CIMIP5: variants seen among roughly 807,000 people sequenced by gnomAD.
CIMIP5 encodes the protein ciliary microtubule inner protein 5.
the CIMIP5 span, chr2:11,143,914 C>G: frequency 6.3e-7 from 1 of 1,575,286 alleles, no homozygotes; most frequent in Non-Finnish European, 8.6e-7. Context: ...TGTCCCCTCT[C>G]CTCAGGGCAA....
At chr2:11,133,302 A>C in the CIMIP5 span, 1 of 1,510,706 alleles carries the variant, frequency 6.6e-7, no homozygotes, top group Non-Finnish European at 8.7e-7. Flanking sequence ...TCTCTCTCTG[A>C]CACAAGCGCA....
the CIMIP5 span, chr2:11,133,550 G>A: frequency 6.2e-7 from 1 of 1,606,366 alleles, no homozygotes. Flanking sequence ...ACCAGCTGTG[G>A]CGGGAGCTCC....
the CIMIP5 span, among the ~76,000 whole-genome samples, chr2:11,134,395 T>C: frequency 3.9e-5 from 6 of 152,302 alleles, no homozygotes; most frequent in Admixed American, 3.9e-4. Flanking sequence ...TGATCTCGAT[T>C]ACATTTTTAA....
the CIMIP5 span, among the ~76,000 whole-genome samples, chr2:11,139,247 A>G: frequency 6.6e-6 from 1 of 152,154 alleles, no homozygotes; most frequent in African/African-American, 2.4e-5. Flanking sequence ...ACCCAGTCTC[A>G]GGTATTATTT....
At chr2:11,144,580 C>T in the CIMIP5 span, 2 of 152,660 alleles carry the variant, frequency 1.3e-5, no homozygotes, top group Non-Finnish European at 2.9e-5. Flanking sequence ...TATCATCTTA[C>T]AGCTCTGAAG....
chr2:11,144,860 G>T, the CIMIP5 span: 1 of 150,310 alleles, frequency 6.7e-6, no homozygotes, highest in African/African-American at 2.5e-5. Flanking sequence ...TGTCACCTAG[G>T]CTAGAGGGCA....
chr2:11,148,732 C>CTTTTTT, the CIMIP5 span, among the ~76,000 whole-genome samples: 112 of 35,528 alleles, frequency 3.2e-3, 5 homozygotes, highest in African/African-American at 5.9e-3. Flanking sequence ...AATGAAAACT[C>CTTTTTT]TTTTTTTTTT....
the CIMIP5 span, chr2:11,133,321 C>T: frequency 1.9e-6 from 3 of 1,575,638 alleles, no homozygotes; most frequent in Non-Finnish European, 2.6e-6. Context: ...CACACACACA[C>T]ACACACTTGC....
chr2:11,134,414 C>T, the CIMIP5 span, among the ~76,000 whole-genome samples: 1 of 152,152 alleles, frequency 6.6e-6, no homozygotes, highest in Non-Finnish European at 1.5e-5. Context: ...AAGTGAGCAG[C>T]CTGATAGATT....
chr2:11,137,873 T>C, the CIMIP5 span, among the ~76,000 whole-genome samples: 1 of 152,204 alleles, frequency 6.6e-6, no homozygotes, highest in South Asian at 2.1e-4. Context: ...TGAGACGGAG[T>C]CTTGCTCTGT....
chr2:11,139,580 C>A, the CIMIP5 span, among the ~76,000 whole-genome samples: 1 of 152,182 alleles, frequency 6.6e-6, no homozygotes. Context: ...GATGTGAAAA[C>A]TTTTTTCTTC....
chr2:11,140,374 TAAAAA>T, the CIMIP5 span: 940 of 279,610 alleles, frequency 3.4e-3, no homozygotes, highest in East Asian at 7.7e-3. Context: ...GCCTCCGTCT[TAAAAA>T]AAAAAAAAAA....
At chr2:11,140,356 CAG>C in the CIMIP5 span, among the ~76,000 whole-genome samples, 24 of 130,966 alleles carry the variant, frequency 1.8e-4, no homozygotes, top group Admixed American at 1.6e-3. Flanking sequence ...GCCTGGGTGA[CAG>C]AGTGAGCCTC....
the CIMIP5 span, chr2:11,133,621 G>A: frequency 6.4e-7 from 1 of 1,559,116 alleles, no homozygotes; most frequent in South Asian, 1.2e-5. Flanking sequence ...TTTCCACCCT[G>A]ACTCCGCAGC....
the CIMIP5 span, among the ~76,000 whole-genome samples, chr2:11,143,089 C>G: frequency 0.01 from 1,569 of 152,238 alleles, 23 homozygotes; most frequent in African/African-American, 0.036. Context: ...CAAAACAGCA[C>G]TACTCATAAA....
the CIMIP5 span, chr2:11,144,174 C>T: frequency 3.6e-6 from 5 of 1,387,830 alleles, no homozygotes; most frequent in Non-Finnish European, 4.8e-6. Flanking sequence ...AGACCCAGCC[C>T]ACAACAGCAC....
chr2:11,148,760 A>G, the CIMIP5 span, among the ~76,000 whole-genome samples: 1 of 103,362 alleles, frequency 9.7e-6, no homozygotes, highest in Non-Finnish European at 1.6e-5. Context: ...TTTGAGATGA[A>G]GTCTCGCTCT....
the CIMIP5 span, chr2:11,143,899 C>T: frequency 0.043 from 66,751 of 1,539,516 alleles, 9,542 homozygotes; most frequent in African/African-American, 0.49. Context: ...CTGTGTGACC[C>T]GAGCTGTCCC....
At chr2:11,143,770 C>T in the CIMIP5 span, 1 of 574,420 alleles carries the variant, frequency 1.7e-6, no homozygotes, top group East Asian at 3.4e-5. Context: ...GGCATCGGGT[C>T]ACTCTTGGGG....
Sources: allele counts gnomAD v4.1 joint callset (sites outside exome capture counted in the v4.1 genomes callset), GRCh38; gene constraint gnomAD v4.1.1; transcripts MANE v1.5; gene names NCBI Gene and HGNC (gene_info 2026-07-23, HGNC 2026-07-21).